Variants in TMEM50A observed in about 807,000 individuals in gnomAD.
TMEM50A encodes cervical cancer oncogene 9.
A neutral mutation model predicts 23.9 loss-of-function variants in TMEM50A; 8 were observed. That is an observed-to-expected ratio of 0.33 (90% CI 0.20 to 0.60). The LOEUF (loss-of-function observed/expected upper bound fraction) is 0.60. Ranked by LOEUF, TMEM50A falls within the 20% of genes least tolerant of loss-of-function variation. The probability of loss-of-function intolerance (pLI) is 0.81; values close to 1 mark genes in which losing one functional copy is unlikely to be tolerated. For missense variants in TMEM50A, 178 were observed against 192.7 expected (o/e 0.92, Z 0.45); for synonymous variants, 55 against 60.4 (o/e 0.91, Z 0.41).
At position 25,344,714 on chromosome 1, in the gene TMEM50A, T is replaced by C. The variant is rs538864088; in HGVS notation, c.206+1641T>C. Among the ~76,000 whole-genome samples, 82 of 152,004 alleles carry C rather than the reference T, an allele frequency of 5.4e-4. 1 individual carries two copies. The South Asian group carries it at 0.012, about 22-fold the overall frequency. ...GTTTCTGATTGTTTTTTTTTGTTTTTTGTTTTTTGTTTTTTTTTGGTGGTT... is the reference window on the plus strand; with the variant it reads ...GTTTCTGATTGTTTTTTTTTGTTTTCTGTTTTTTGTTTTTTTTTGGTGGTT... On this transcript the variant is annotated intron_variant, in intron 3 of 6. Transcript: ENST00000374358.
intron 2 of TMEM50A, among the ~76,000 whole-genome samples, chr1:25,341,080 A>C (rs1176173250): frequency 6.6e-6 from 1 of 152,236 alleles, no homozygotes; most frequent in Non-Finnish European, 1.5e-5. Flanking sequence ...AACTCATTAA[A>C]ATACATTGTG....
intron 5 of TMEM50A, among the ~76,000 whole-genome samples, chr1:25,354,553 A>G (rs1645312730): frequency 6.6e-6 from 1 of 152,136 alleles, no homozygotes; most frequent in African/African-American, 2.4e-5. Context: ...CAGAGATTGC[A>G]GTGAGCTGTG....
At position 25,340,550 on chromosome 1, in the gene TMEM50A, A is replaced by G. The variant is rs778373228; in HGVS notation, c.64A>G (p.Thr22Ala). 3.7e-5 allele frequency: 60 copies of G among 1,613,572 alleles called. No homozygotes were observed. The highest frequency in any genetic ancestry group is 5.0e-5 in the Non-Finnish European group (59 of 1,179,912). Residue 22 changes from threonine (T) to alanine (A), a missense_variant, in exon 2 of 7, where the codon ACT becomes GCT. By Grantham distance (58) the Thr-to-Ala change is moderately conservative. Transcript: ENST00000374358. ...CATTGACTGGGGGGAAAAGCGCAAT[A>G]CTATTGCTTCCATTGCTGCTGGTGT... ...ECIDWGEKRN[T>A]IASIAAGVLF...
chr1:25,343,445 G>GA (rs1645185248), intron 3 of TMEM50A, among the ~76,000 whole-genome samples: 2 of 152,120 alleles, frequency 1.3e-5, no homozygotes, highest in African/African-American at 2.4e-5. Context: ...AGTAAAACAG[G>GA]AAAAATCCAT....
intron 2 of TMEM50A, among the ~76,000 whole-genome samples, chr1:25,341,334 T>C (rs1446245507): frequency 6.6e-6 from 1 of 151,946 alleles, no homozygotes; most frequent in Non-Finnish European, 1.5e-5. Flanking sequence ...CTCAGCTCAC[T>C]GCAAGCTCCG....
At chr1:25,351,717 T>C in intron 4 of TMEM50A, 24 bp downstream of exon 4, 1 of 1,590,442 alleles carries the variant, frequency 6.3e-7, no homozygotes. Context: ...AACAGCATCT[T>C]ATTATACATG....
At chr1:25,347,248 T>A (rs1035673388) in intron 3 of TMEM50A, among the ~76,000 whole-genome samples, 1 of 151,946 alleles carries the variant, frequency 6.6e-6, no homozygotes, top group Admixed American at 6.6e-5. Context: ...TTTTTTTTTT[T>A]CTTTTGAGAT....
At chr1:25,339,681 G>A (rs1571794114) in intron 1 of TMEM50A, among the ~76,000 whole-genome samples, 1 of 152,164 alleles carries the variant, frequency 6.6e-6, no homozygotes, top group Admixed American at 6.5e-5. Flanking sequence ...CTCTACTAAT[G>A]TTAGTGCTCC....
At chr1:25,353,068 T>A (rs2124255715) in intron 5 of TMEM50A, 94 bp downstream of exon 5, 1 of 1,056,412 alleles carries the variant, frequency 9.5e-7, no homozygotes, top group Non-Finnish European at 1.4e-6. Context: ...TTTCCTATAG[T>A]TGGGCCAACT....
chr1:25,340,473 G>A lies in TMEM50A; in HGVS notation c.-13-1G>A. On this transcript the variant is annotated splice_acceptor_variant, in intron 1 of 6. Coordinates refer to ENST00000374358, the MANE Select transcript of TMEM50A (RefSeq NM_014313.4). LOFTEE classifies it low-confidence loss of function (5UTR_SPLICE). ...TAATTGTTTGTTTGTTTGTTTTTAA[G>A]TGACCTGAAAAAAATGTCTGGATTT... 1 of 1,607,650 alleles carries A rather than the reference G, an allele frequency of 6.2e-7. No individual in the cohort carries two copies.
chr1:25,344,700 T>G (rs1019143655), intron 3 of TMEM50A, among the ~76,000 whole-genome samples: 7 of 149,590 alleles, frequency 4.7e-5, no homozygotes, highest in South Asian at 4.2e-4. Context: ...TTTCTGATTG[T>G]TTTTTTTTGT....
At chr1:25,353,906 T>C (rs530577116) in intron 5 of TMEM50A, among the ~76,000 whole-genome samples, 1 of 152,356 alleles carries the variant, frequency 6.6e-6, no homozygotes, top group South Asian at 2.1e-4. Context: ...TAAAATAATG[T>C]TTCCTAAATT....
At chr1:25,352,847 A>G (rs1227655715) in intron 4 of TMEM50A, 35 bp from the exon 5 acceptor site, 8 of 1,598,666 alleles carry the variant, frequency 5.0e-6, no homozygotes, top group Non-Finnish European at 6.8e-6. Flanking sequence ...CTGCCCTATA[A>G]GAAAGAATTC....
intron 2 of TMEM50A, among the ~76,000 whole-genome samples, chr1:25,342,037 A>C (rs527484482): frequency 2.0e-5 from 3 of 152,248 alleles, no homozygotes; most frequent in South Asian, 4.1e-4. Context: ...TATGAAGAAA[A>C]TATCTTAAAT....
At chr1:25,353,120 G>A (rs571281379) in intron 5 of TMEM50A, 146 bp downstream of exon 5, 51 of 625,402 alleles carry the variant, frequency 8.2e-5, no homozygotes, top group Middle Eastern at 8.3e-4. Context: ...ACCCTCCACC[G>A]ACAGTGTTTG....
chr1:25,343,132 A>G (rs970673356), intron 3 of TMEM50A, 59 bp downstream of exon 3: 1 of 1,326,842 alleles, frequency 7.5e-7, no homozygotes, highest in East Asian at 2.3e-5. Context: ...AAAATGTTTC[A>G]AATATAGTTG....
intron 6 of TMEM50A, among the ~76,000 whole-genome samples, chr1:25,359,515 A>AG (rs1645372560): frequency 6.6e-6 from 1 of 151,498 alleles, no homozygotes; most frequent in Admixed American, 6.6e-5. Context: ...TTTAAAAAAA[A>AG]AAAAAATCAC....
intron 3 of TMEM50A, among the ~76,000 whole-genome samples, chr1:25,347,259 A>C (rs1368455760): frequency 6.6e-6 from 1 of 150,466 alleles, no homozygotes; most frequent in Non-Finnish European, 1.5e-5. Flanking sequence ...CTTTTGAGAT[A>C]GGCTCTTGCT....
At chr1:25,347,353 A>G (rs1242473681) in intron 3 of TMEM50A, among the ~76,000 whole-genome samples, 2 of 151,902 alleles carry the variant, frequency 1.3e-5, no homozygotes, top group Non-Finnish European at 2.9e-5. Context: ...TTCCTGCCTC[A>G]GCCTCCTGAG....
Sources: gnomAD v4.1 joint callset for allele counts (sites outside exome capture counted in the v4.1 genomes callset) on GRCh38, gnomAD v4.1.1 for gene constraint, MANE v1.5 for transcripts, NCBI Gene and HGNC (gene_info 2026-07-23, HGNC 2026-07-21) for gene names.